The following PAG1 variants were observed in gnomAD, a reference collection of about 807,000 sequenced individuals.
PAG1 encodes the protein phosphoprotein associated with glycosphingolipid-enriched microdomains 1.
PAG1 carries 23 observed loss-of-function variants against 31.7 expected under a neutral mutation model. That is an observed-to-expected ratio of 0.73 (90% CI 0.52 to 1.03). PAG1 has a LOEUF of 1.03. PAG1 is among the 50% of genes least tolerant of loss of function. The pLI is 0.00. For missense variants in PAG1, 473 were observed against 540.7 expected, an observed-to-expected ratio of 0.87 and a Z score of 1.24; for synonymous variants, 214 against 210.3, an observed-to-expected ratio of 1.02 and a Z score of -0.15.
intron 3 of PAG1, among the ~76,000 whole-genome samples, chr8:81,002,747 G>A (rs1452386352): frequency 6.6e-6 from 1 of 152,124 alleles, no homozygotes. Flanking sequence ...TAATAGCCAG[G>A]CAAAATATTT....
chr8:81,032,943 C>A (rs1437416077), intron 2 of PAG1, among the ~76,000 whole-genome samples: 1 of 152,042 alleles, frequency 6.6e-6, no homozygotes, highest in Non-Finnish European at 1.5e-5. Flanking sequence ...TGAAAACATG[C>A]TAAGTGAAAG....
chr8:81,051,878 C>A (rs1056519442), intron 2 of PAG1, among the ~76,000 whole-genome samples: 17 of 152,152 alleles, frequency 1.1e-4, no homozygotes, highest in Non-Finnish European at 2.4e-4. Context: ...CACCTGTAAT[C>A]CCAGCACTTT....
rs151279228 is a variant in PAG1 at position 80,984,712 on chromosome 8, G to A, written c.876+64C>T. 2.7e-6 allele frequency: 4 copies of A among 1,486,952 alleles called. No homozygotes were observed. The Admixed American group carries it at 7.8e-5, about 29-fold the overall frequency. 92.1% of individuals were successfully genotyped at this position (1,486,952 alleles called of 1,614,324 possible). On this transcript the variant is annotated intron_variant, in intron 7 of 8. Coordinates refer to ENST00000220597, the MANE Select transcript of PAG1 (RefSeq NM_018440.4). ...CAGATATTTCCCAGAACAACTCCAG[G>A]GCCAGCTAGATTCCTAACCAGAACA...
At chr8:81,032,098 G>A (rs998296920) in intron 2 of PAG1, among the ~76,000 whole-genome samples, 7 of 152,018 alleles carry the variant, frequency 4.6e-5, no homozygotes, top group South Asian at 2.1e-4. Flanking sequence ...ATGTAAAAGC[G>A]TAAACTACAA....
At chr8:81,073,969 A>AC (rs1809134850) in intron 1 of PAG1, among the ~76,000 whole-genome samples, 3 of 151,836 alleles carry the variant, frequency 2.0e-5, no homozygotes, top group Non-Finnish European at 4.4e-5. Flanking sequence ...CACCTTGGGC[A>AC]CCCCTCAGAG....
chr8:80,994,423 T>G (rs1807629612), intron 3 of PAG1, among the ~76,000 whole-genome samples: 1 of 152,218 alleles, frequency 6.6e-6, no homozygotes, highest in Non-Finnish European at 1.5e-5. Flanking sequence ...GTACCTGGTA[T>G]GTACCAGGGA....
At chr8:81,028,752 A>G (rs758452511) in intron 3 of PAG1, among the ~76,000 whole-genome samples, 1 of 152,222 alleles carries the variant, frequency 6.6e-6, no homozygotes, top group Non-Finnish European at 1.5e-5. Flanking sequence ...CCCATTCTGT[A>G]CGCACAGCAC....
intron 2 of PAG1, among the ~76,000 whole-genome samples, chr8:81,051,998 T>C (rs867950785): frequency 1.0e-3 from 155 of 151,568 alleles, no homozygotes; most frequent in African/African-American, 3.2e-3. Flanking sequence ...GGCGTGGTGG[T>C]GGGCGCCTGT....
chr8:81,012,535 G>C (rs1224121780), intron 3 of PAG1, among the ~76,000 whole-genome samples: 4 of 152,168 alleles, frequency 2.6e-5, no homozygotes, highest in Non-Finnish European at 4.4e-5. Context: ...TCCTTTTGCT[G>C]CTTCCCTGGC....
intron 2 of PAG1, among the ~76,000 whole-genome samples, chr8:81,047,637 C>A (rs1345230835): frequency 1.3e-5 from 2 of 152,194 alleles, no homozygotes; most frequent in Non-Finnish European, 2.9e-5. Flanking sequence ...GATGGACACA[C>A]ACTACAAACT....
chr8:80,996,323 G>A (rs567291178), intron 3 of PAG1, among the ~76,000 whole-genome samples: 2 of 152,306 alleles, frequency 1.3e-5, no homozygotes, highest in African/African-American at 4.8e-5. Flanking sequence ...TGGCTGAGGG[G>A]ATCTAGACTA....
At chr8:81,046,235 C>T (rs1368436260) in intron 2 of PAG1, among the ~76,000 whole-genome samples, 3 of 152,320 alleles carry the variant, frequency 2.0e-5, no homozygotes, top group African/African-American at 7.2e-5. Context: ...TAATATTTGA[C>T]AGTGTATCAG....
chr8:81,079,054 G>GAGTTTCTGGGTTT lies in PAG1; in HGVS notation c.-233-8885_-233-8884insAAACCCAGAAACT, dbSNP rs1271949472. Among the ~76,000 whole-genome samples, 5 of 152,134 alleles carry GAGTTTCTGGGTTT rather than the reference G, an allele frequency of 3.3e-5. 1 individual carries two copies. The highest frequency in any genetic ancestry group is 7.4e-5 in the Non-Finnish European group (5 of 68,012). ...TCCTGCTCTGGTGATATCCTTGCCA[G>GAGTTTCTGGGTTT]GACTCAACCTTTGCAGGCCTCCCCT... On this transcript the variant is annotated intron_variant, in intron 1 of 8. Coordinates refer to ENST00000220597, the MANE Select transcript of PAG1 (RefSeq NM_018440.4).
intron 2 of PAG1, among the ~76,000 whole-genome samples, chr8:81,064,265 C>T (rs907743035): frequency 2.0e-5 from 3 of 152,194 alleles, no homozygotes; most frequent in African/African-American, 7.2e-5. Context: ...GAGTGCACAA[C>T]CTAGATCCCT....
chr8:81,060,536 C>A (rs1808900498), intron 2 of PAG1, among the ~76,000 whole-genome samples: 2 of 152,256 alleles, frequency 1.3e-5, no homozygotes. Context: ...GAAAGCTATT[C>A]TTTCCAGAAC....
Position 81,014,976 on chromosome 8 carries a change from T to C in PAG1, c.-81+15020A>G, listed in dbSNP as rs980230756. On this transcript the variant is annotated intron_variant, in intron 3 of 8. Coordinates refer to ENST00000220597, the MANE Select transcript of PAG1 (RefSeq NM_018440.4). ...ATCTGATCTCTATCATTTAAGGACT[T>C]AGAAGTTCCATAATTATAAAAAAGC... 7.2e-5 allele frequency among the ~76,000 whole-genome samples: 11 copies of C among 152,292 alleles called. No homozygotes were observed. The South Asian group carries it at 1.5e-3, about 20-fold the overall frequency.
intron 1 of PAG1, among the ~76,000 whole-genome samples, chr8:81,095,114 G>A (rs754503169): frequency 7.9e-5 from 12 of 152,160 alleles, no homozygotes; most frequent in Non-Finnish European, 8.8e-5. Flanking sequence ...GCCAATCCAC[G>A]TCATTAGATG....
chr8:81,018,651 G>C (rs991857542), intron 3 of PAG1, among the ~76,000 whole-genome samples: 1 of 152,214 alleles, frequency 6.6e-6, no homozygotes, highest in African/African-American at 2.4e-5. Context: ...TCTCTTGCCT[G>C]CTGCCATGTG....
chr8:81,027,732 T>C (rs943424983), intron 3 of PAG1, among the ~76,000 whole-genome samples: 1 of 151,820 alleles, frequency 6.6e-6, no homozygotes, highest in African/African-American at 2.4e-5. Context: ...GGTGAAACCC[T>C]GTCTCTATTA....
Sources: allele counts gnomAD v4.1 joint callset (sites outside exome capture counted in the v4.1 genomes callset), GRCh38; gene constraint gnomAD v4.1.1; transcripts MANE v1.5; gene names NCBI Gene and HGNC (gene_info 2026-07-23, HGNC 2026-07-21).